Variants in ANK3 observed in about 807,000 individuals in gnomAD.
ANK3 encodes ankyrin 3.
Under a neutral mutation model 370.9 loss-of-function variants are expected in ANK3, and 57 were observed. The observed-to-expected ratio is 0.15, with a 90% CI of 0.12 to 0.19. The LOEUF (loss-of-function observed/expected upper bound fraction) is 0.19, where lower values mean the gene tolerates loss of function less well. Ranked by LOEUF, ANK3 falls within the 10% of genes least tolerant of loss-of-function variation. The probability of loss-of-function intolerance (pLI) is 1.00; values close to 1 mark genes in which losing one functional copy is unlikely to be tolerated. For missense variants in ANK3, 4,439 were observed against 5,302.1 expected (o/e 0.84, Z 5.06); for synonymous variants, 1,929 against 1,946.3 (o/e 0.99, Z 0.23).
intron 1 of ANK3, among the ~76,000 whole-genome samples, chr10:60,281,513 C>A (rs1004089844): frequency 2.0e-5 from 3 of 152,170 alleles, no homozygotes; most frequent in African/African-American, 7.2e-5. Flanking sequence ...AACTCTTTGG[C>A]CTGTTTGGGT....
intron 1 of ANK3, among the ~76,000 whole-genome samples, chr10:60,363,979 T>G (rs796094264): frequency 0.46 from 67,485 of 145,454 alleles, 16,452 homozygotes; most frequent in South Asian, 0.59. Flanking sequence ...TGTTTTTTTT[T>G]TTTTTTTTTT....
intron 23 of ANK3, among the ~76,000 whole-genome samples, chr10:60,147,966 G>T (rs1282353559): frequency 6.6e-6 from 1 of 152,220 alleles, no homozygotes; most frequent in African/African-American, 2.4e-5. Flanking sequence ...ATTAAGTTGA[G>T]AAAATAGTTA....
chr10:60,421,923 T>C (rs1390715804), intron 2 of ANK3, among the ~76,000 whole-genome samples: 1 of 152,114 alleles, frequency 6.6e-6, no homozygotes, highest in African/African-American at 2.4e-5. Context: ...TATTGAAATG[T>C]GGCTTTAGTT....
intron 2 of ANK3, among the ~76,000 whole-genome samples, chr10:60,418,381 C>A (rs1206957109): frequency 2.0e-5 from 3 of 152,138 alleles, no homozygotes; most frequent in Non-Finnish European, 4.4e-5. Context: ...GCCTAAGTAT[C>A]ATTTCCAGCA....
intron 1 of ANK3, among the ~76,000 whole-genome samples, chr10:60,352,110 A>G (rs2056978884): frequency 2.0e-5 from 3 of 152,280 alleles, no homozygotes. Context: ...AGTCTGGCAA[A>G]CATGGTGAAA....
chr10:60,080,533 T>C lies in ANK3; in HGVS notation c.4432+4A>G. On this transcript the variant is annotated splice_donor_region_variant and intron_variant, in intron 36 of 43. Transcript: ENST00000280772. The stretch of plus-strand genomic sequence containing the variant: ...TAGATTAGTAAATGTGTTAGGAAAC[T>C]CACTCATTCCAGGCTCAGTCAAGTA... 6.2e-7 allele frequency: 1 copy of C among 1,611,272 alleles called. No individual in the cohort carries two copies. The highest frequency in any genetic ancestry group is 1.1e-5 in the South Asian group (1 of 90,812).
intron 23 of ANK3, among the ~76,000 whole-genome samples, chr10:60,146,583 G>A (rs1266411384): frequency 6.6e-6 from 1 of 152,116 alleles, no homozygotes; most frequent in Non-Finnish European, 1.5e-5. Flanking sequence ...CTGCCTACTG[G>A]GTTCAAGTGA....
In ANK3 at chr10:60,109,127, T is replaced by TA. The variant is rs200515416; in HGVS notation, c.2949-74_2949-73insT. The stretch of plus-strand genomic sequence containing the variant: ...GCTCACAGCAAGTTTGGAAATTAAA[T>TA]GTTTAAGTTTATTTAAAGCGACAGA... On this transcript the variant is annotated intron_variant, in intron 26 of 43. Coordinates refer to ENST00000280772, the MANE Select transcript of ANK3 (RefSeq NM_020987.5). 469 of 1,208,404 alleles carry TA rather than the reference T, an allele frequency of 3.9e-4. 4 individuals are homozygous for TA. The East Asian group carries it at 0.01, about 26-fold the overall frequency. The allele number at this position is 1,208,404 out of a possible 1,614,324, so 74.9% of individuals were successfully genotyped here. A position where few individuals can be genotyped will look rare whatever the true frequency, so the allele number is the denominator to read the frequency against.
At chr10:60,030,493 C>T (rs2073207583) in intron 43 of ANK3, among the ~76,000 whole-genome samples, 1 of 151,990 alleles carries the variant, frequency 6.6e-6, no homozygotes, top group South Asian at 2.1e-4. Flanking sequence ...GCCATGGACA[C>T]CCCCAGGATG....
At chr10:60,542,437 G>A (rs1003742261) in intron 2 of ANK3, among the ~76,000 whole-genome samples, 63 of 151,770 alleles carry the variant, frequency 4.2e-4, no homozygotes, top group African/African-American at 1.4e-3. Context: ...TATAAGCAGG[G>A]TTGGGTTTTT....
Position 60,075,093 on chromosome 10 carries a change from G to C in ANK3, c.5788C>G (p.Gln1930Glu), listed in dbSNP as rs777939067. Reference sequence around the variant, plus strand: ...CTCCCTTCCTTTGGGAGTTCAGGTTGGAATGGCTTCTCCTCAGGCACATCT... The same window carrying C: ...CTCCCTTCCTTTGGGAGTTCAGGTTCGAATGGCTTCTCCTCAGGCACATCT... ...QTDVPEEKPF[Q>E]PELPKEGRID... Residue 1930 changes from glutamine to glutamate, a missense_variant, in exon 37 of 44, where the codon CAA becomes GAA. Coordinates refer to ENST00000280772, the MANE Select transcript of ANK3 (RefSeq NM_020987.5). 6.2e-7 allele frequency: 1 copy of C among 1,614,060 alleles called. No homozygotes were observed. Among genetic ancestry groups the C allele is most frequent in the South Asian group, 1.1e-5 (1 of 91,074 alleles).
intron 2 of ANK3, among the ~76,000 whole-genome samples, chr10:60,420,120 G>A (rs1352535011): frequency 6.6e-6 from 1 of 152,082 alleles, no homozygotes; most frequent in Non-Finnish European, 1.5e-5. Context: ...TTGCACACCA[G>A]AGCAGCTCTG....
In ANK3 at chr10:60,444,783, A is replaced by C. The variant is rs1180117823; in HGVS notation, c.97-165144T>G. 6.6e-5 allele frequency among the ~76,000 whole-genome samples: 10 copies of C among 152,288 alleles called. No individual in the cohort carries two copies. The East Asian group carries it at 9.6e-4, about 15-fold the overall frequency. ...TTTAATGTACAGTTTTGAATTGTGAATACATGGTAAGAGTTGTGGGTATTT... is the reference window on the plus strand; with the variant it reads ...TTTAATGTACAGTTTTGAATTGTGACTACATGGTAAGAGTTGTGGGTATTT... On this transcript the variant is annotated intron_variant, in intron 2 of 43. Coordinates refer to the ANK3 transcript ENST00000373827.
chr10:60,627,934 T>C (rs2078433541), intron 1 of ANK3, among the ~76,000 whole-genome samples: 1 of 152,152 alleles, frequency 6.6e-6, no homozygotes, highest in Admixed American at 6.5e-5. Flanking sequence ...ACAGAGCTAG[T>C]AAATGATCAA....
At chr10:60,696,262 A>C (rs1182596538) in intron 1 of ANK3, among the ~76,000 whole-genome samples, 2 of 150,044 alleles carry the variant, frequency 1.3e-5, no homozygotes, top group African/African-American at 5.0e-5. Flanking sequence ...AATAATCAAT[A>C]GCTTACCAAC....
At chr10:60,362,667 G>A (rs1211860500) in intron 1 of ANK3, among the ~76,000 whole-genome samples, 2 of 152,142 alleles carry the variant, frequency 1.3e-5, no homozygotes, top group African/African-American at 4.8e-5. Context: ...GGAAAGGAGA[G>A]TTCCTCATTC....
intron 1 of ANK3, among the ~76,000 whole-genome samples, chr10:60,622,576 T>G (rs750221327): frequency 1.5e-4 from 23 of 152,178 alleles, no homozygotes; most frequent in Non-Finnish European, 3.2e-4. Flanking sequence ...AGAGAGAAAC[T>G]GAGGACAGGA....
chr10:60,681,693 C>A (rs544947024), intron 1 of ANK3, among the ~76,000 whole-genome samples: 1 of 152,306 alleles, frequency 6.6e-6, no homozygotes, highest in Admixed American at 6.5e-5. Context: ...AAGACAGAGA[C>A]AAGAACTGTC....
At chr10:60,278,346 A>G (rs1320156172) in intron 4 of ANK3, among the ~76,000 whole-genome samples, 1 of 152,170 alleles carries the variant, frequency 6.6e-6, no homozygotes, top group Non-Finnish European at 1.5e-5. Context: ...TATATTGCAA[A>G]TGAAAATACA....
Sources: gnomAD v4.1 joint callset for allele counts (sites outside exome capture counted in the v4.1 genomes callset) on GRCh38, gnomAD v4.1.1 for gene constraint, MANE v1.5 for transcripts, NCBI Gene and HGNC (gene_info 2026-07-23, HGNC 2026-07-21) for gene names.